The following TYK2 variants were observed in gnomAD, a reference collection of about 807,000 sequenced individuals.
The protein encoded by TYK2 is non-receptor tyrosine-protein kinase TYK2.
Under a neutral mutation model 130.9 loss-of-function variants are expected in TYK2, and 65 were observed. The ratio of observed to expected loss-of-function variants is 0.50; its 90% CI spans 0.41 to 0.61. The LOEUF (loss-of-function observed/expected upper bound fraction) is 0.61. TYK2 is among the 20% of genes least tolerant of loss of function. The pLI, the probability that TYK2 is intolerant of heterozygous loss-of-function variation, is 0.00. For missense variants in TYK2, 1,378 were observed against 1,610.7 expected (o/e 0.86, Z 2.47); for synonymous variants, 647 against 658.9 (o/e 0.98, Z 0.28).
intron 17 of TYK2, 158 bp downstream of exon 17, chr19:10,357,606 C>T: frequency 1.0e-6 from 1 of 995,604 alleles, no homozygotes; most frequent in Non-Finnish European, 1.5e-6. Context: ...AAGGCTGGGA[C>T]TACATTGAGC....
rs764682808 is a variant in TYK2, at chr19:10,354,570, G to T, written c.2657C>A (p.Ala886Glu). Residue 886 changes from alanine (A) to glutamate (E), a missense_variant, in exon 19 of 25, where the codon GCG becomes GAG. Physicochemically the swap from Ala to Glu is moderately radical, Grantham distance 107. Coordinates refer to ENST00000525621, the MANE Select transcript of TYK2 (RefSeq NM_003331.5). The stretch of plus-strand genomic sequence containing the variant: ...CTTGTGGAAAACCGTAGGGTCCGAC[G>T]CCGGTGAGTCCGGGTTCACAGTCAA... ...DVLTVNPDSPASDPTVFHKRY... is the reference protein window; with the variant it reads ...DVLTVNPDSPESDPTVFHKRY... 1 of 1,614,080 alleles carries T rather than the reference G, an allele frequency of 6.2e-7. No homozygotes were observed. The highest frequency in any genetic ancestry group is 8.5e-7 in the Non-Finnish European group (1 of 1,180,028).
At chr19:10,367,321 T>C (rs564872965) in intron 5 of TYK2, among the ~76,000 whole-genome samples, 2 of 151,952 alleles carry the variant, frequency 1.3e-5, no homozygotes, top group Non-Finnish European at 2.9e-5. Flanking sequence ...CACAGCACTC[T>C]ATCCCCTTCA....
rs896554401 is a variant in TYK2, at chr19:10,361,458, A to G, written c.2047+53T>C. The G allele has an allele frequency of 2.2e-5, 33 of 1,517,904 alleles. No individual in the cohort carries two copies. Among genetic ancestry groups the G allele is most frequent in the Non-Finnish European group, 2.9e-5 (33 of 1,124,344 alleles). 94.0% of individuals were successfully genotyped at this position (1,517,904 alleles called of 1,614,324 possible). A position where few individuals can be genotyped will look rare whatever the true frequency, so the allele number is the denominator to read the frequency against. On this transcript the variant is annotated intron_variant, in intron 14 of 24. Transcript: ENST00000525621. The surrounding 1 kb of genome is among the most constrained non-coding windows in gnomAD (Gnocchi z 4.0). ...TTGGGGTACAGATCAGGGAGTGGGT[A>G]TAAGTCAGGGGTGGCCTGCCAAAGG...
intron 12 of TYK2, 25 bp downstream of exon 12, chr19:10,362,053 C>A: frequency 6.2e-7 from 1 of 1,613,366 alleles, no homozygotes; most frequent in Non-Finnish European, 8.5e-7. Flanking sequence ...CCTGCCCTTG[C>A]CCCGGGCCCC....
intron 17 of TYK2, chr19:10,357,006 C>T (rs1202468223): frequency 2.0e-6 from 1 of 504,456 alleles, no homozygotes; most frequent in East Asian, 3.7e-5. Flanking sequence ...CCTTAATACA[C>T]TGAAGCCTCA....
rs1189204313 is a variant in TYK2, at chr19:10,361,636, A to G, written c.1960-38T>C. 5 of 1,546,528 alleles carry G rather than the reference A, an allele frequency of 3.2e-6. No homozygotes were observed. The highest frequency in any genetic ancestry group is 4.4e-6 in the Non-Finnish European group (5 of 1,146,908). On this transcript the variant is annotated intron_variant, in intron 13 of 24. Coordinates refer to ENST00000525621, the MANE Select transcript of TYK2 (RefSeq NM_003331.5). The surrounding 1 kb of genome is among the most constrained non-coding windows in gnomAD (Gnocchi z 4.0). ...GGCAGGTCAGGTGGCTGCAAAGCCG[A>G]CCCCTCCCATCCCACCTCCTCCACG...
intron 19 of TYK2, 59 bp from the exon 20 acceptor site, chr19:10,354,293 CCCCCGATTT>C: frequency 6.3e-7 from 1 of 1,582,270 alleles, no homozygotes; most frequent in Non-Finnish European, 8.6e-7. Context: ...CACTCCCCAA[CCCCCGATTT>C]CCCGGGCCAC....
rs1444043020 is a variant in TYK2 at position 10,364,557 on chromosome 19, C to T, written c.1367+57G>A. 6.2e-7 allele frequency: 1 copy of T among 1,600,626 alleles called. No individual in the cohort carries two copies. Among genetic ancestry groups the T allele is most frequent in the Non-Finnish European group, 8.6e-7 (1 of 1,169,452 alleles). ...CACACCCTGCACAGCCCCTAGGGCT[C>T]ACAGTCTAGTTGGCACCCTTGGCGG... On this transcript the variant is annotated intron_variant, in intron 9 of 24. Coordinates refer to ENST00000525621, the MANE Select transcript of TYK2 (RefSeq NM_003331.5). The surrounding 1 kb of genome is among the most constrained non-coding windows in gnomAD (Gnocchi z 4.9).
At chr19:10,378,538 A>G in intron 2 of TYK2, 112 bp from the exon 3 acceptor site, 1 of 848,826 alleles carries the variant, frequency 1.2e-6, no homozygotes, top group Non-Finnish European at 1.9e-6. Context: ...CTGGGCTCCC[A>G]TCTTGGCATG....
intron 5 of TYK2, among the ~76,000 whole-genome samples, chr19:10,367,265 C>T (rs1325060407): frequency 6.6e-6 from 1 of 152,042 alleles, no homozygotes; most frequent in Admixed American, 6.6e-5. Context: ...AGCATACACC[C>T]CTCCTCTTGT....
At chr19:10,360,059 G>C (rs1254180366) in intron 14 of TYK2, among the ~76,000 whole-genome samples, 3 of 152,000 alleles carry the variant, frequency 2.0e-5, no homozygotes, top group Non-Finnish European at 4.4e-5. Flanking sequence ...GCACATGCCT[G>C]TAATCCCAGC....
chr19:10,356,534 T>G (rs751318459), intron 18 of TYK2, 34 bp downstream of exon 18: 70 of 1,610,838 alleles, frequency 4.3e-5, no homozygotes, highest in Non-Finnish European at 6.8e-6. Context: ...CCCGTCCCAC[T>G]TCCCCAGGGT....
chr19:10,375,773 A>T (rs2042092014), intron 3 of TYK2, among the ~76,000 whole-genome samples: 1 of 149,858 alleles, frequency 6.7e-6, no homozygotes, highest in Non-Finnish European at 1.5e-5. Flanking sequence ...AAAAAAAAAA[A>T]AAATCTAGCC....
chr19:10,353,063 G>A lies in TYK2; in HGVS notation c.3063C>T (p.His1021=), dbSNP rs774357764. The A allele has an allele frequency of 1.3e-6, 2 of 1,580,642 alleles. No individual in the cohort carries two copies. The highest frequency in any genetic ancestry group is 1.7e-6 in the Non-Finnish European group (2 of 1,162,158). The change falls in exon 22 of 25, where the codon CAC becomes CAT. Residue 1021 remains histidine (H), a synonymous_variant. Coordinates refer to ENST00000525621, the MANE Select transcript of TYK2 (RefSeq NM_003331.5). The surrounding 1 kb of genome is among the most constrained non-coding windows in gnomAD (Gnocchi z 6.9). The part of the protein sequence containing the change: ...MAYLHAQHYI[H]RDLAARNVLL... ...GCACGTTGCGCGCGGCTAGGTCTCG[G>A]TGGATGTAGTGCTGCGCGTGCAGAT...
chr19:10,361,961 G>C lies in TYK2; in HGVS notation c.1774-6C>G. 5.0e-6 allele frequency: 8 copies of C among 1,613,974 alleles called. No individual in the cohort carries two copies. Among genetic ancestry groups the C allele is most frequent in the Non-Finnish European group, 6.8e-6 (8 of 1,179,978 alleles). On this transcript the variant is annotated splice_polypyrimidine_tract_variant and splice_region_variant and intron_variant, in intron 12 of 24. Coordinates refer to ENST00000525621, the MANE Select transcript of TYK2 (RefSeq NM_003331.5). This position sits in a 1 kb window ranked among gnomAD's most constrained non-coding sequence, Gnocchi z 4.0. ...CCCTGGCCCAAGTGGGACAGCTGCG[G>C]GATCATGTGGCACAGAATACCGCCA...
In TYK2 at chr19:10,359,222, A is replaced by C. The variant is rs1431865844; in HGVS notation, c.2128T>G (p.Trp710Gly). 1 of 1,609,462 alleles carries C rather than the reference A, an allele frequency of 6.2e-7. No homozygotes were observed. The highest frequency in any genetic ancestry group is 1.1e-5 in the South Asian group (1 of 91,036). The change falls in exon 15 of 25, where the codon TGG becomes GGG. Residue 710 changes from tryptophan (W) to glycine (G), a missense_variant. Coordinates refer to ENST00000525621, the MANE Select transcript of TYK2 (RefSeq NM_003331.5). Reference protein sequence around the residue: ...RRERGHVPMAWKMVVAQQLAS... With the variant: ...RRERGHVPMAGKMVVAQQLAS... Reference sequence around the variant, plus strand: ...AGCTGCTGGGCCACCACCATCTTCCAAGCCATGGGCACATGGCCCCGCTCC... The same window carrying C: ...AGCTGCTGGGCCACCACCATCTTCCCAGCCATGGGCACATGGCCCCGCTCC...
Position 10,365,648 on chromosome 19 carries a change from G to A in TYK2, c.880C>T (p.Arg294Trp), listed in dbSNP as rs367656874. 1.6e-5 allele frequency: 26 copies of A among 1,613,532 alleles called. No individual in the cohort carries two copies. In the Admixed American group the frequency reaches 2.7e-4, roughly 17 times the overall value. The stretch of plus-strand genomic sequence containing the variant: ...TCTGTAGGGGCCACCCCACTGTCCC[G>A]GATGTAGCAGGGCTCCCCCTCGGCC... ...AQAEGEPCYI[R>W]DSGVAPTDPG... Residue 294 changes from arginine (R) to tryptophan (W), a missense_variant, in exon 7 of 25, where the codon CGG (arginine) becomes TGG (tryptophan). Coordinates refer to ENST00000525621, the MANE Select transcript of TYK2 (RefSeq NM_003331.5).
Position 10,357,858 on chromosome 19 carries a change from A to C in TYK2, c.2372T>G (p.Leu791Arg). 1 of 1,613,484 alleles carries C rather than the reference A, an allele frequency of 6.2e-7. No homozygotes were observed. Among genetic ancestry groups the C allele is most frequent in the Non-Finnish European group, 8.5e-7 (1 of 1,180,018 alleles). ...CCCCCACTTGTCCATGGCGGTGCTT[A>C]GGCTGTTGGCCCCACCTGGTAGGCA... ...PECLPGGANS[L>R]STAMDKWGFG... The change falls in exon 17 of 25, where the codon CTA becomes CGA. Residue 791 changes from leucine to arginine, a missense_variant. Transcript: ENST00000525621.
Position 10,366,578 on chromosome 19 carries a change from G to A in TYK2, c.468C>T (p.Gly156=), listed in dbSNP as rs1010813526. 9.9e-6 allele frequency: 16 copies of A among 1,613,864 alleles called. No homozygotes were observed. In the African/African-American group the frequency reaches 1.7e-4, roughly 18 times the overall value. ...PASFEYLFEQ[G]KHEFVNDVAS... ...CCACGTCATTCACAAACTCATGCTT[G>A]CCCTGGGAACAGGAAATTGAGCAGA... Residue 156 remains glycine, a splice_region_variant and synonymous_variant, in exon 6 of 25, where the codon GGC becomes GGT. Coordinates refer to ENST00000525621, the MANE Select transcript of TYK2 (RefSeq NM_003331.5).
Sources: allele counts gnomAD v4.1 joint callset (sites outside exome capture counted in the v4.1 genomes callset), GRCh38; gene constraint gnomAD v4.1.1; non-coding constraint Gnocchi (gnomAD v3.1); transcripts MANE v1.5; gene names NCBI Gene and HGNC (gene_info 2026-07-23, HGNC 2026-07-21).